The following DNAH7 variants were observed in gnomAD, a reference collection of about 807,000 sequenced individuals.
DNAH7 encodes the protein axonemal beta dynein heavy chain 7.
A neutral mutation model predicts 444.6 loss-of-function variants in DNAH7; 397 were observed. The ratio of observed to expected loss-of-function variants is 0.89; its 90% confidence interval spans 0.82 to 0.97. DNAH7 has a LOEUF of 0.97. Among genes scored for constraint, DNAH7 ranks in the 50% least tolerant of loss-of-function variants. DNAH7 has a pLI of 0.00. For missense variants in DNAH7, 4,902 were observed against 4,800.8 expected (o/e 1.02, Z -0.62); for synonymous variants, 1,636 against 1,624.4 (o/e 1.01, Z -0.17).
intron 17 of DNAH7, among the ~76,000 whole-genome samples, chr2:195,967,531 G>A (rs1391238577): frequency 1.3e-5 from 2 of 152,116 alleles, no homozygotes; most frequent in African/African-American, 4.8e-5. Context: ...CTGTAAGATA[G>A]GTCTGGTGTT....
chr2:196,010,122 C>CCT (rs1363088989), intron 10 of DNAH7, among the ~76,000 whole-genome samples: 2 of 151,848 alleles, frequency 1.3e-5, no homozygotes, highest in Non-Finnish European at 2.9e-5. Flanking sequence ...TCCATCTCTC[C>CCT]CTCCCTGCTC....
intron 1 of DNAH7, among the ~76,000 whole-genome samples, chr2:196,066,567 G>A (rs1698441529): frequency 6.6e-6 from 1 of 152,096 alleles, no homozygotes; most frequent in Non-Finnish European, 1.5e-5. Flanking sequence ...ACCTCTCAAA[G>A]TTTTTCAACT....
At chr2:195,955,412 GT>G (rs1265359083) in intron 19 of DNAH7, among the ~76,000 whole-genome samples, 1 of 152,120 alleles carries the variant, frequency 6.6e-6, no homozygotes, top group Non-Finnish European at 1.5e-5. Flanking sequence ...GTACCATGCT[GT>G]TTTGGTTACT....
chr2:195,771,633 G>GT (rs1559084174), intron 61 of DNAH7, 27 bp downstream of exon 61: 10 of 1,508,000 alleles, frequency 6.6e-6, no homozygotes, highest in African/African-American at 5.5e-5. Context: ...ATTTAATGGG[G>GT]GTTTTTTTTG....
intron 54 of DNAH7, among the ~76,000 whole-genome samples, chr2:195,805,898 G>A (rs1696684901): frequency 6.6e-6 from 1 of 152,114 alleles, no homozygotes; most frequent in South Asian, 2.1e-4. Context: ...TATCACTGAT[G>A]TGTATTTTTA....
intron 1 of DNAH7, 36 bp downstream of exon 1, chr2:196,068,661 G>A (rs1698567297): frequency 1.3e-6 from 2 of 1,549,140 alleles, no homozygotes; most frequent in East Asian, 2.4e-5. Context: ...GAAGCGTCGC[G>A]GCGGCGGCGA....
chr2:195,861,661 A>T, intron 42 of DNAH7, 56 bp downstream of exon 42: 1 of 1,249,038 alleles, frequency 8.0e-7, no homozygotes, highest in East Asian at 2.4e-5. Flanking sequence ...GTTTTTGCAC[A>T]CACAAGTATT....
At position 196,002,826 on chromosome 2, in the gene DNAH7, G is replaced by A. The variant is rs1279082631; in HGVS notation, c.990-968C>T. Among the ~76,000 whole-genome samples the A allele has an allele frequency of 2.0e-5, 3 of 151,974 alleles. No homozygotes were observed. The East Asian group carries it at 5.8e-4, about 29-fold the overall frequency. ...AGTTCAAGACCAGCCTGGCCAACATGGTGAAACCCCATCTCTACTAAAAAT... is the reference window on the plus strand; with the variant it reads ...AGTTCAAGACCAGCCTGGCCAACATAGTGAAACCCCATCTCTACTAAAAAT... On this transcript the variant is annotated intron_variant, in intron 10 of 64. Coordinates refer to ENST00000312428, the MANE Select transcript of DNAH7 (RefSeq NM_018897.3).
chr2:195,799,199 A>T, intron 55 of DNAH7, 97 bp downstream of exon 55: 1 of 1,103,626 alleles, frequency 9.1e-7, no homozygotes, highest in Non-Finnish European at 1.2e-6. Context: ...AGGTTGAATG[A>T]CAAATTTCTA....
At chr2:195,776,065 A>G in intron 59 of DNAH7, 82 bp from the exon 60 acceptor site, 5 of 1,531,354 alleles carry the variant, frequency 3.3e-6, no homozygotes, top group Non-Finnish European at 4.4e-6. Context: ...GGCAGTTTTC[A>G]ATACTCAAGT....
chr2:195,884,281 T>G (rs1257701599), intron 35 of DNAH7, among the ~76,000 whole-genome samples: 1 of 152,230 alleles, frequency 6.6e-6, no homozygotes, highest in Non-Finnish European at 1.5e-5. Context: ...AAACAGTATG[T>G]GCCTGGTGTG....
chr2:195,972,638 T>G (rs1301016617), intron 15 of DNAH7, among the ~76,000 whole-genome samples, 172 bp from the exon 16 acceptor site: 1 of 151,754 alleles, frequency 6.6e-6, no homozygotes, highest in African/African-American at 2.4e-5. Flanking sequence ...AACATCTCAC[T>G]AAAATGACAA....
At chr2:196,023,063 T>G (rs1695474951) in intron 8 of DNAH7, among the ~76,000 whole-genome samples, 1 of 152,064 alleles carries the variant, frequency 6.6e-6, no homozygotes. Context: ...TAATCCCCAG[T>G]GCTGGAGGTG....
chr2:195,801,291 AATATAT>A (rs72396547), intron 54 of DNAH7, among the ~76,000 whole-genome samples: 1 of 148,714 alleles, frequency 6.7e-6, no homozygotes, highest in South Asian at 2.1e-4. Context: ...CCTGCTCTGA[AATATAT>A]ATATATATAT....
At chr2:195,801,618 T>C (rs1166490998) in intron 54 of DNAH7, among the ~76,000 whole-genome samples, 1 of 152,184 alleles carries the variant, frequency 6.6e-6, no homozygotes, top group African/African-American at 2.4e-5. Context: ...AGCCTGCAAC[T>C]TTTCTCAACT....
At chr2:196,013,058 T>C in intron 9 of DNAH7, 152 bp from the exon 10 acceptor site, 1 of 504,242 alleles carries the variant, frequency 2.0e-6, no homozygotes, top group Non-Finnish European at 3.2e-6. Context: ...ACACAAGATA[T>C]TCTAATTTTA....
At chr2:195,947,243 G>T (rs1055127798) in intron 19 of DNAH7, among the ~76,000 whole-genome samples, 3 of 151,332 alleles carry the variant, frequency 2.0e-5, no homozygotes, top group African/African-American at 7.3e-5. Flanking sequence ...GTAATCCACC[G>T]CCTTGGCCTC....
At chr2:195,988,570 A>G (rs1693082628) in intron 12 of DNAH7, among the ~76,000 whole-genome samples, 1 of 152,138 alleles carries the variant, frequency 6.6e-6, no homozygotes, top group South Asian at 2.1e-4. Context: ...TCACATAATT[A>G]TACATATTTA....
At chr2:195,778,636 ATAAATAAATAT>A (rs1320207679) in intron 58 of DNAH7, among the ~76,000 whole-genome samples, 6 of 63,130 alleles carry the variant, frequency 9.5e-5, no homozygotes, top group African/African-American at 4.6e-4. Flanking sequence ...AAAAAAATAA[ATAAATAAATAT>A]ATATATATAT....
Sources: allele counts gnomAD v4.1 joint callset (sites outside exome capture counted in the v4.1 genomes callset), GRCh38; gene constraint gnomAD v4.1.1; transcripts MANE v1.5; gene names NCBI Gene and HGNC (gene_info 2026-07-23, HGNC 2026-07-21).